Variants in DNAH12 observed in about 807,000 individuals in gnomAD.
The protein encoded by DNAH12 is axonemal beta dynein heavy chain 12.
In DNAH12, 285 loss-of-function variants were observed where a neutral mutation model predicts 371.5. That is an observed-to-expected ratio of 0.77 (90% CI 0.70 to 0.85). DNAH12 has a LOEUF of 0.85. DNAH12 is among the 40% of genes least tolerant of loss of function. The probability of loss-of-function intolerance (pLI) is 0.00; values close to 1 mark genes in which losing one functional copy is unlikely to be tolerated. For synonymous variants in DNAH12, 1,200 were observed against 1,213.0 expected, an observed-to-expected ratio of 0.99 and a Z score of 0.22; for missense variants, 3,611 against 3,689.4, an observed-to-expected ratio of 0.98 and a Z score of 0.55.
At chr3:57,438,769 A>G (rs2065211413) in intron 29 of DNAH12, among the ~76,000 whole-genome samples, 1 of 152,034 alleles carries the variant, frequency 6.6e-6, no homozygotes, top group African/African-American at 2.4e-5. Flanking sequence ...CCTGGCCAAC[A>G]TGGTGAAACC....
In DNAH12 at chr3:57,390,639, A is replaced by G. The variant is rs2063604312; in HGVS notation, c.7305+1233T>C. Among the ~76,000 whole-genome samples the G allele has an allele frequency of 2.6e-5, 4 of 151,166 alleles. No individual in the cohort carries two copies. In the Admixed American group the frequency reaches 2.6e-4, roughly 10 times the overall value. On this transcript the variant is annotated intron_variant, in intron 45 of 73. Transcript: ENST00000495027. ...TCCACATTCTATTGGGCATAAAACA[A>G]TAGAAGGTACCATGAGCTACTGTTC...
chr3:57,300,435 C>T (rs1250235257), intron 70 of DNAH12, among the ~76,000 whole-genome samples: 4 of 152,030 alleles, frequency 2.6e-5, no homozygotes, highest in Admixed American at 2.0e-4. Flanking sequence ...TTGTATTATT[C>T]CTTTTGTTAA....
In DNAH12 at chr3:57,433,630, T is replaced by A; in HGVS notation, c.4839+15A>T. 1.9e-6 allele frequency: 3 copies of A among 1,541,552 alleles called. No homozygotes were observed. The highest frequency in any genetic ancestry group is 2.6e-6 in the Non-Finnish European group (3 of 1,144,204). ...CTTTCCATAAGAGAGTTGGGAATAC[T>A]TATATTTAGGTTACCTCATGAGACA... On this transcript the variant is annotated intron_variant, in intron 31 of 73. Coordinates refer to ENST00000495027, the MANE Select transcript of DNAH12 (RefSeq NM_001366028.2).
Position 57,507,760 on chromosome 3 carries a change from C to A in DNAH12, c.780G>T (p.Met260Ile), listed in dbSNP as rs866264829. ...TTATAACCTTTGGATACCATGTATT[C>A]ATTATCTTCTCTTCTGCGTTTCTAG... The part of the protein sequence containing the change: ...IQTRNAEEKI[M>I]NTWYPKVINL... Residue 260 changes from methionine (M) to isoleucine (I), a missense_variant, in exon 8 of 74, where the codon ATG (methionine) becomes ATT (isoleucine). This residue lies in a region of DNAH12 where 1,314 missense variants were observed against 1,398.7 expected (regional missense o/e 0.94). Transcript: ENST00000495027. 2 of 1,611,438 alleles carry A rather than the reference C, an allele frequency of 1.2e-6. No homozygotes were observed. The highest frequency in any genetic ancestry group is 2.7e-5 in the African/African-American group (2 of 74,806).
At chr3:57,389,842 T>TATATATATATATAAA (rs2063578029) in intron 45 of DNAH12, among the ~76,000 whole-genome samples, 1 of 70,552 alleles carries the variant, frequency 1.4e-5, no homozygotes, top group Admixed American at 1.4e-4. Flanking sequence ...ATATATATAA[T>TATATATATATATAAA]ACTTTTTTTT....
chr3:57,554,307 AT>A, the DNAH12 span, among the ~76,000 whole-genome samples: 2 of 150,738 alleles, frequency 1.3e-5, no homozygotes, highest in Admixed American at 6.6e-5. Context: ...AAATAAAAAA[AT>A]AATTACATGG....
Position 57,405,683 on chromosome 3 carries a change from G to T in DNAH12, c.6546C>A (p.Ile2182=), listed in dbSNP as rs1388523985. Residue 2182 remains isoleucine, a synonymous_variant, in exon 41 of 74, where the codon ATC becomes ATA. Coordinates refer to ENST00000495027, the MANE Select transcript of DNAH12 (RefSeq NM_001366028.2). ...CATTTTGTTTCCTCAAATGTGAAAA[G>T]ATACTGTGAAATGATTCTTTAAAAT... ...KDHFKESFHS[I]FSHLRKQNAP... 5 of 1,551,530 alleles carry T rather than the reference G, an allele frequency of 3.2e-6. No homozygotes were observed. Among genetic ancestry groups the T allele is most frequent in the Middle Eastern group, 1.7e-4 (1 of 5,950 alleles).
At chr3:57,447,860 A>G (rs2065571701) in intron 25 of DNAH12, among the ~76,000 whole-genome samples, 1 of 152,028 alleles carries the variant, frequency 6.6e-6, no homozygotes, top group African/African-American at 2.4e-5. Context: ...TTTTTAGTAG[A>G]GAAGAGGTCT....
intron 55 of DNAH12, among the ~76,000 whole-genome samples, chr3:57,372,147 T>G (rs1310124146): frequency 1.3e-5 from 2 of 152,004 alleles, no homozygotes; most frequent in African/African-American, 4.8e-5. Flanking sequence ...ATTCCTGACA[T>G]AAATAAAATA....
At chr3:57,441,225 A>G (rs562495371) in intron 29 of DNAH12, among the ~76,000 whole-genome samples, 1 of 152,322 alleles carries the variant, frequency 6.6e-6, no homozygotes, top group South Asian at 2.1e-4. Context: ...AAAAGAACCA[A>G]TTGGACACAC....
Position 57,405,036 on chromosome 3 carries a change from C to G in DNAH12, c.6688G>C (p.Val2230Leu). The G allele has an allele frequency of 6.5e-7, 1 of 1,546,308 alleles. No individual in the cohort carries two copies. The highest frequency in any genetic ancestry group is 8.7e-7 in the Non-Finnish European group (1 of 1,145,434). ...EIPNIHHFSD[V>L]VDQCLDEYNQ... ...TACTCATCTAAGCACTGGTCCACAA[C>G]ATCACTAAAATGATGAATATTTGGA... Residue 2230 changes from valine to leucine, a missense_variant, in exon 42 of 74, where the codon GTT becomes CTT. By Grantham distance (32) the Val-to-Leu change is conservative. Around this residue, in one of 3 missense-constraint regions of DNAH12, gnomAD observed 2,266 missense variants for 2,236.9 expected, o/e 1.01. Transcript: ENST00000495027.
chr3:57,401,420 C>T (rs1440023599), intron 43 of DNAH12, among the ~76,000 whole-genome samples: 26 of 149,988 alleles, frequency 1.7e-4, no homozygotes, highest in Admixed American at 3.3e-4. Flanking sequence ...AAAAATTATC[C>T]GGGCATGGCA....
chr3:57,372,589 T>C (rs1397843037), intron 55 of DNAH12, among the ~76,000 whole-genome samples: 1 of 152,024 alleles, frequency 6.6e-6, no homozygotes. Flanking sequence ...ATTATACTGT[T>C]GAAAGATATT....
At chr3:57,531,430 CCTTT>C (rs765646890) in intron 2 of DNAH12, among the ~76,000 whole-genome samples, 48 of 152,028 alleles carry the variant, frequency 3.2e-4, no homozygotes, top group Non-Finnish European at 6.3e-4. Context: ...CTTTTAGGAT[CCTTT>C]CTTTATCTTT....
At chr3:57,297,008 T>G in intron 70 of DNAH12, 24 bp from the exon 71 acceptor site, 4 of 1,549,364 alleles carry the variant, frequency 2.6e-6, no homozygotes, top group Non-Finnish European at 3.5e-6. Context: ...ACAAAACACA[T>G]TATGTCAGTT....
intron 32 of DNAH12, among the ~76,000 whole-genome samples, chr3:57,431,500 G>A (rs1467418434): frequency 6.6e-6 from 1 of 152,116 alleles, no homozygotes; most frequent in African/African-American, 2.4e-5. Context: ...AATCCATCCA[G>A]TTATTTCATT....
intron 65 of DNAH12, among the ~76,000 whole-genome samples, chr3:57,319,568 T>C (rs2061759893): frequency 6.6e-6 from 1 of 151,980 alleles, no homozygotes; most frequent in Non-Finnish European, 1.5e-5. Context: ...TTGTTAAGAG[T>C]TGTTTTTTGG....
chr3:57,433,473 T>A lies in DNAH12; in HGVS notation c.4874A>T (p.Glu1625Val), dbSNP rs1239352164. Residue 1625 changes from glutamate to valine, a missense_variant, in exon 32 of 74, where the codon GAA becomes GTA. Physicochemically the swap from Glu to Val is moderately radical, Grantham distance 121. Around this residue, in one of 3 missense-constraint regions of DNAH12, gnomAD observed 2,266 missense variants for 2,236.9 expected, o/e 1.01. Coordinates refer to ENST00000495027, the MANE Select transcript of DNAH12 (RefSeq NM_001366028.2). ...TDGIVANTFR[E>V]FALSETPDRK... ...GTCAGGTGTTTCTGATAAGGCAAAT[T>A]CTCTAAAAGTGTTAGCCACAATACC... 1 of 1,551,460 alleles carries A rather than the reference T, an allele frequency of 6.4e-7. No homozygotes were observed. The highest frequency in any genetic ancestry group is 8.7e-7 in the Non-Finnish European group (1 of 1,146,902).
intron 4 of DNAH12, among the ~76,000 whole-genome samples, chr3:57,512,227 G>A (rs938731889): frequency 6.6e-6 from 1 of 152,160 alleles, no homozygotes; most frequent in African/African-American, 2.4e-5. Context: ...ATTATGCTAA[G>A]TGAAATAAGC....
Sources: gnomAD v4.1 joint callset for allele counts (sites outside exome capture counted in the v4.1 genomes callset) on GRCh38, gnomAD v4.1.1 for gene constraint, gnomAD v4.1.1 regional missense constraint, MANE v1.5 for transcripts, NCBI Gene and HGNC (gene_info 2026-07-23, HGNC 2026-07-21) for gene names.